Variants in CACNB2 observed in about 807,000 individuals in gnomAD.
CACNB2 encodes calcium voltage-gated channel auxiliary subunit beta 2, also known as voltage-dependent L-type calcium channel subunit beta-2.
CACNB2 carries 42 observed loss-of-function variants against 73.3 expected under a neutral mutation model. That is an observed-to-expected ratio of 0.57 (90% CI 0.45 to 0.74). The LOEUF (loss-of-function observed/expected upper bound fraction) is 0.74. CACNB2 is among the 30% of genes least tolerant of loss of function. The pLI, the probability that CACNB2 is intolerant of heterozygous loss-of-function variation, is 0.00. For synonymous variants in CACNB2, 348 were observed against 310.3 expected (o/e 1.12, Z -1.28); for missense variants, 940 against 853.0 (o/e 1.10, Z -1.27).
At chr10:18,167,619 G>C (rs769189150) in intron 2 of CACNB2, among the ~76,000 whole-genome samples, 3 of 151,934 alleles carry the variant, frequency 2.0e-5, no homozygotes, top group Non-Finnish European at 4.4e-5. Context: ...TATTTTATTC[G>C]AGGCCCTGCA....
At chr10:18,220,134 TATATATATATATATATATATACAC>T (rs2035682396) in intron 2 of CACNB2, among the ~76,000 whole-genome samples, 1 of 38,512 alleles carries the variant, frequency 2.6e-5, no homozygotes, top group African/African-American at 2.8e-4. Context: ...TATATATATA[TATATATATATATATATATATACAC>T]ACACACACAC....
intron 3 of CACNB2, among the ~76,000 whole-genome samples, chr10:18,478,566 G>A (rs919574395): frequency 1.3e-5 from 2 of 152,168 alleles, no homozygotes; most frequent in Non-Finnish European, 2.9e-5. Context: ...TGCAGAAAAA[G>A]CAACTCACTA....
chr10:18,157,062 CAAA>C (rs528189125), intron 2 of CACNB2, among the ~76,000 whole-genome samples: 4 of 116,276 alleles, frequency 3.4e-5, no homozygotes, highest in African/African-American at 3.0e-5. Context: ...AACTTTGTCT[CAAA>C]AAAAAAAAAA....
chr10:18,157,591 T>C (rs1405919906), intron 2 of CACNB2, among the ~76,000 whole-genome samples: 1 of 152,240 alleles, frequency 6.6e-6, no homozygotes, highest in African/African-American at 2.4e-5. Flanking sequence ...CTTTAAGTTC[T>C]GTCTCCCCGT....
At position 18,470,263 on chromosome 10, in the gene CACNB2, G is replaced by A. The variant is rs2048111399; in HGVS notation, c.334-28092G>A. ...GCACTTTGGGAGGCTGAGGCTGGAG[G>A]ATCACCTGAGGTCTGGAGTTTGAGG... On this transcript the variant is annotated intron_variant, in intron 3 of 13. Transcript: ENST00000324631. 5.3e-5 allele frequency among the ~76,000 whole-genome samples: 8 copies of A among 150,800 alleles called. No individual in the cohort carries two copies. In the South Asian group the frequency reaches 1.7e-3, roughly 31 times the overall value.
At chr10:18,460,703 C>A (rs1477733271) in intron 3 of CACNB2, among the ~76,000 whole-genome samples, 1 of 151,902 alleles carries the variant, frequency 6.6e-6, no homozygotes, top group Non-Finnish European at 1.5e-5. Context: ...GCAGCCTGGA[C>A]AATGTAGTGA....
chr10:18,444,863 G>A (rs1421120236), intron 3 of CACNB2, among the ~76,000 whole-genome samples: 1 of 152,152 alleles, frequency 6.6e-6, no homozygotes, highest in African/African-American at 2.4e-5. Flanking sequence ...TGTAAATTGA[G>A]GGAACAAAGT....
chr10:18,337,804 CATACCATA>C (rs1197664750), intron 2 of CACNB2, among the ~76,000 whole-genome samples: 1 of 152,144 alleles, frequency 6.6e-6, no homozygotes, highest in Non-Finnish European at 1.5e-5. Context: ...TGCTGCAAAT[CATACCATA>C]GGTTCTTTTT....
intron 2 of CACNB2, among the ~76,000 whole-genome samples, chr10:18,323,389 G>GTT (rs140972007): frequency 2.3e-4 from 35 of 150,676 alleles, no homozygotes; most frequent in African/African-American, 3.9e-4. Flanking sequence ...TGAGGGCTTG[G>GTT]TTTTTTTTTA....
chr10:18,525,928 A>G (rs2052425251), intron 9 of CACNB2, among the ~76,000 whole-genome samples: 1 of 152,126 alleles, frequency 6.6e-6, no homozygotes, highest in Admixed American at 6.5e-5. Context: ...AATTTGTTCT[A>G]GTCTCATAGA....
intron 2 of CACNB2, chr10:18,400,451 G>A (rs1387987343): frequency 1.2e-5 from 4 of 344,620 alleles, no homozygotes; most frequent in Non-Finnish European, 1.6e-5. Context: ...TTACACTTCG[G>A]ATGTAAAATG....
intron 2 of CACNB2, among the ~76,000 whole-genome samples, chr10:18,288,676 T>TACACACACACACACACACACACACACAC (rs372916856): frequency 2.1e-5 from 3 of 144,312 alleles, no homozygotes; most frequent in African/African-American, 5.2e-5. Flanking sequence ...ATGAGATTTA[T>TACACACACACACACACACACACACACAC]ACACACACAC....
chr10:18,186,266 A>G (rs2034146793), intron 2 of CACNB2, among the ~76,000 whole-genome samples: 1 of 151,942 alleles, frequency 6.6e-6, no homozygotes, highest in Non-Finnish European at 1.5e-5. Context: ...CTAAAAATAC[A>G]AAATTAGCTG....
chr10:18,317,478 A>T (rs750908521), intron 2 of CACNB2, among the ~76,000 whole-genome samples: 4 of 152,132 alleles, frequency 2.6e-5, no homozygotes, highest in Non-Finnish European at 4.4e-5. Flanking sequence ...TCGTGAGAAC[A>T]TGTAGAATTT....
chr10:18,398,569 G>A (rs939193825), intron 2 of CACNB2, among the ~76,000 whole-genome samples: 3 of 152,002 alleles, frequency 2.0e-5, no homozygotes, highest in Non-Finnish European at 2.9e-5. Flanking sequence ...TGCTTGGGAG[G>A]CTGAAGCCGG....
intron 3 of CACNB2, among the ~76,000 whole-genome samples, chr10:18,492,094 A>C (rs1481480715): frequency 6.6e-6 from 1 of 152,118 alleles, no homozygotes; most frequent in African/African-American, 2.4e-5. Context: ...CATATCATAC[A>C]TGGCTGGCAC....
chr10:18,203,630 A>T (rs151311700), intron 2 of CACNB2, among the ~76,000 whole-genome samples: 2 of 152,230 alleles, frequency 1.3e-5, no homozygotes, highest in Admixed American at 6.5e-5. Flanking sequence ...ATAGAGAAAC[A>T]TAACGGGGCG....
intron 3 of CACNB2, among the ~76,000 whole-genome samples, chr10:18,416,656 C>G (rs941576269): frequency 6.6e-6 from 1 of 152,206 alleles, no homozygotes; most frequent in African/African-American, 2.4e-5. Flanking sequence ...AGGTGATCCA[C>G]CAGCCACAGC....
chr10:18,518,980 A>G lies in CACNB2; in HGVS notation c.944+12A>G, dbSNP rs144304963. 9.3e-6 allele frequency: 15 copies of G among 1,612,726 alleles called. No homozygotes were observed. In the Admixed American group the frequency reaches 2.5e-4, roughly 27 times the overall value. On this transcript the variant is annotated intron_variant, in intron 9 of 13. Coordinates refer to ENST00000324631, the MANE Select transcript of CACNB2 (RefSeq NM_201596.3). ...AGATTTGAAGGGCGGTGAGTATTTC[A>G]GCATACTGGGTTTTGTGGATTTTGT...
Sources: allele counts gnomAD v4.1 joint callset (sites outside exome capture counted in the v4.1 genomes callset), GRCh38; gene constraint gnomAD v4.1.1; transcripts MANE v1.5; gene names NCBI Gene and HGNC (gene_info 2026-07-23, HGNC 2026-07-21).